Variants in CDC42BPA observed in about 807,000 individuals in gnomAD.
CDC42BPA encodes the protein CDC42 binding protein kinase alpha.
CDC42BPA carries 80 observed loss-of-function variants against 223.5 expected under a neutral mutation model. The observed-to-expected ratio is 0.36, with a 90% confidence interval of 0.30 to 0.43. The LOEUF is 0.43. Ranked by LOEUF, CDC42BPA falls within the 20% of genes least tolerant of loss-of-function variation. The pLI is 1.00. For missense variants in CDC42BPA, 1,743 were observed against 2,099.9 expected (o/e 0.83, Z 3.32); for synonymous variants, 694 against 718.6 (o/e 0.97, Z 0.55).
intron 1 of CDC42BPA, among the ~76,000 whole-genome samples, chr1:227,298,930 T>C (rs1162345253): frequency 6.6e-6 from 1 of 152,176 alleles, no homozygotes; most frequent in Non-Finnish European, 1.5e-5. Context: ...TAGAATAGAA[T>C]CATATATAGC....
chr1:227,110,461 T>C (rs368911480), intron 14 of CDC42BPA, among the ~76,000 whole-genome samples: 5 of 152,296 alleles, frequency 3.3e-5, no homozygotes, highest in Non-Finnish European at 5.9e-5. Context: ...ATGTTTATTG[T>C]AGAAAAAAAT....
At chr1:227,158,952 C>T (rs1376808789) in intron 6 of CDC42BPA, among the ~76,000 whole-genome samples, 6 of 152,096 alleles carry the variant, frequency 3.9e-5, no homozygotes, top group Non-Finnish European at 7.4e-5. Context: ...GCATCAGAGT[C>T]AGGAACTGCC....
At chr1:227,188,389 T>C (rs1210240797) in intron 5 of CDC42BPA, among the ~76,000 whole-genome samples, 1 of 136,562 alleles carries the variant, frequency 7.3e-6, no homozygotes, top group Admixed American at 7.6e-5. Flanking sequence ...AGAAGTATAA[T>C]TGAAATGCTA....
At chr1:227,192,448 T>C (rs1308143151) in intron 5 of CDC42BPA, among the ~76,000 whole-genome samples, 1 of 152,174 alleles carries the variant, frequency 6.6e-6, no homozygotes, top group Non-Finnish European at 1.5e-5. Context: ...CAACCACCCT[T>C]CCTCCATAGG....
At chr1:227,052,990 T>C (rs1040160644) in intron 21 of CDC42BPA, among the ~76,000 whole-genome samples, 3 of 152,182 alleles carry the variant, frequency 2.0e-5, no homozygotes, top group Non-Finnish European at 4.4e-5. Flanking sequence ...TCACTTTGAA[T>C]GAATGATAAA....
At chr1:227,212,483 G>T (rs531346643) in intron 3 of CDC42BPA, among the ~76,000 whole-genome samples, 2 of 152,098 alleles carry the variant, frequency 1.3e-5, no homozygotes, top group Non-Finnish European at 1.5e-5. Flanking sequence ...GCCCCAGAAT[G>T]CCTATCCCAT....
chr1:227,146,109 T>C (rs1202111950), intron 7 of CDC42BPA, among the ~76,000 whole-genome samples: 1 of 152,146 alleles, frequency 6.6e-6, no homozygotes, highest in Non-Finnish European at 1.5e-5. Context: ...TAACTAATAA[T>C]AAATATTTTT....
intron 2 of CDC42BPA, among the ~76,000 whole-genome samples, chr1:227,247,683 G>A (rs965655353): frequency 1.1e-4 from 16 of 150,362 alleles, no homozygotes; most frequent in Admixed American, 9.3e-4. Context: ...TCAGGAGTTC[G>A]AGACCAGCCT....
chr1:227,120,854 A>C lies in CDC42BPA; in HGVS notation c.1514-917T>G, dbSNP rs541325389. On this transcript the variant is annotated intron_variant, in intron 11 of 36. Transcript: ENST00000366766. ...ACCAGGGACCAGTTTTGTGGAAGAC[A>C]ATTTTTCCACAGCCCAGGAGTCCGG... is the stretch of plus-strand genomic sequence containing the variant. 3.9e-5 allele frequency among the ~76,000 whole-genome samples: 6 copies of C among 152,252 alleles called. No homozygotes were observed. In the South Asian group the frequency reaches 6.2e-4, roughly 16 times the overall value.
At position 227,201,874 on chromosome 1, in the gene CDC42BPA, T is replaced by C. The variant is rs1671833035; in HGVS notation, c.355-2222A>G. Among the ~76,000 whole-genome samples the C allele has an allele frequency of 2.0e-5, 3 of 152,190 alleles. No individual in the cohort carries two copies. The South Asian group carries it at 6.2e-4, about 32-fold the overall frequency. Reference sequence around the variant, plus strand: ...CTTAATGGCTACACCATATTCCAGATACACTAAAAACATTATCACACAGTA... The same window carrying C: ...CTTAATGGCTACACCATATTCCAGACACACTAAAAACATTATCACACAGTA... On this transcript the variant is annotated intron_variant, in intron 3 of 36. Transcript: ENST00000366766.
At position 227,090,991 on chromosome 1, in the gene CDC42BPA, G is replaced by C. The variant is rs117294568; in HGVS notation, c.2355+895C>G. Among the ~76,000 whole-genome samples the C allele has an allele frequency of 2.2e-3, 334 of 152,252 alleles. 9 individuals are homozygous for C. The East Asian group carries it at 0.045, about 21-fold the overall frequency. On this transcript the variant is annotated intron_variant, in intron 16 of 36. Coordinates refer to ENST00000366766, the MANE Select transcript of CDC42BPA (RefSeq NM_001394014.1). ...ATGGCTACTTCTCAGTTCAATACATGATTCTGTATGCAAGCTAGAAATCAG... is the reference window on the plus strand; with the variant it reads ...ATGGCTACTTCTCAGTTCAATACATCATTCTGTATGCAAGCTAGAAATCAG...
At chr1:227,288,706 T>A (rs897667876) in intron 1 of CDC42BPA, among the ~76,000 whole-genome samples, 7 of 151,496 alleles carry the variant, frequency 4.6e-5, no homozygotes, top group African/African-American at 1.2e-4. Context: ...AAAAAAAAAA[T>A]TTTTAAGGCC....
intron 3 of CDC42BPA, among the ~76,000 whole-genome samples, chr1:227,212,213 A>G (rs943072761): frequency 1.3e-5 from 2 of 152,184 alleles, no homozygotes; most frequent in Non-Finnish European, 2.9e-5. Context: ...TTCTCCAAAT[A>G]AATAAATAAT....
intron 21 of CDC42BPA, among the ~76,000 whole-genome samples, chr1:227,066,705 TG>T (rs1558418119): frequency 6.6e-6 from 1 of 151,842 alleles, no homozygotes; most frequent in Non-Finnish European, 1.5e-5. Context: ...AACTGATGGA[TG>T]AGAAAAGAAG....
At position 227,199,708 on chromosome 1, in the gene CDC42BPA, A is replaced by G. The variant is rs1428996683; in HGVS notation, c.355-56T>C. 6.1e-6 allele frequency: 5 copies of G among 816,042 alleles called. No individual in the cohort carries two copies. The African/African-American group carries it at 6.9e-5, about 11-fold the overall frequency. The allele number at this position is 816,042 out of a possible 1,614,324, so 50.6% of individuals were successfully genotyped here. A position where few individuals can be genotyped will look rare whatever the true frequency, so the allele number is the denominator to read the frequency against. ...TACTTTATGTAAAACTAGGAAATAT[A>G]CAAAGAATTACTATGTTTATTATAT... On this transcript the variant is annotated intron_variant, in intron 3 of 36. Coordinates refer to ENST00000366766, the MANE Select transcript of CDC42BPA (RefSeq NM_001394014.1).
intron 1 of CDC42BPA, among the ~76,000 whole-genome samples, chr1:227,261,933 T>A (rs1186540174): frequency 6.6e-6 from 1 of 152,126 alleles, no homozygotes; most frequent in African/African-American, 2.4e-5. Flanking sequence ...AAAGAAATCC[T>A]CTGCCAAGAA....
At chr1:227,048,830 G>A (rs879316899) in intron 22 of CDC42BPA, among the ~76,000 whole-genome samples, 4 of 149,794 alleles carry the variant, frequency 2.7e-5, no homozygotes, top group Non-Finnish European at 4.4e-5. Context: ...GAAAACGCTA[G>A]TCTTTGTATA....
chr1:227,167,792 T>C (rs140574555), intron 5 of CDC42BPA, among the ~76,000 whole-genome samples: 3 of 152,356 alleles, frequency 2.0e-5, no homozygotes, highest in Non-Finnish European at 4.4e-5. Flanking sequence ...AGTATGTATA[T>C]CTAGACATTT....
chr1:227,124,563 A>G (rs915121583), intron 11 of CDC42BPA, among the ~76,000 whole-genome samples: 1 of 152,100 alleles, frequency 6.6e-6, no homozygotes, highest in East Asian at 1.9e-4. Context: ...TATTTTTTTA[A>G]AAAAAGGGAA....
Sources: allele counts gnomAD v4.1 joint callset (sites outside exome capture counted in the v4.1 genomes callset), GRCh38; gene constraint gnomAD v4.1.1; transcripts MANE v1.5; gene names NCBI Gene and HGNC (gene_info 2026-07-23, HGNC 2026-07-21).